The following IQSEC1 variants were observed in gnomAD, a reference collection of about 807,000 sequenced individuals.
The protein encoded by IQSEC1 is IQ motif and Sec7 domain ArfGEF 1.
A neutral mutation model predicts 91.0 loss-of-function variants in IQSEC1; 31 were observed. That is an observed-to-expected ratio of 0.34 (90% CI 0.26 to 0.46). The LOEUF (loss-of-function observed/expected upper bound fraction) is 0.46, where lower values mean the gene tolerates loss of function less well. Ranked by LOEUF, IQSEC1 falls within the 20% of genes least tolerant of loss-of-function variation. IQSEC1 has a pLI of 1.00. For missense variants in IQSEC1, 1,388 were observed against 1,575.6 expected (o/e 0.88, Z 2.02); for synonymous variants, 699 against 662.6 (o/e 1.05, Z -0.84).
intron 1 of IQSEC1, among the ~76,000 whole-genome samples, chr3:12,956,767 G>C (rs1024619310): frequency 6.6e-6 from 1 of 152,178 alleles, no homozygotes; most frequent in African/African-American, 2.4e-5. Context: ...GGAGCTCTAC[G>C]TGCAATCGGG....
In IQSEC1 at chr3:13,268,266, T is replaced by C. The variant is rs530890459; in HGVS notation, c.272+14445A>G. Among the ~76,000 whole-genome samples the C allele has an allele frequency of 2.0e-5, 3 of 152,346 alleles. No homozygotes were observed. The South Asian group carries it at 6.2e-4, about 32-fold the overall frequency. On this transcript the variant is annotated intron_variant, in intron 1 of 15. Transcript: ENST00000648114. Reference sequence around the variant, plus strand: ...CCAGGTCCATGTCTGGTCCTTGCCATTTACTAGCTGTACAACCCTAGACAA... The same window carrying C: ...CCAGGTCCATGTCTGGTCCTTGCCACTTACTAGCTGTACAACCCTAGACAA...
At chr3:13,213,391 C>T (rs976273598) in intron 1 of IQSEC1, among the ~76,000 whole-genome samples, 2 of 152,164 alleles carry the variant, frequency 1.3e-5, no homozygotes, top group Non-Finnish European at 2.9e-5. Flanking sequence ...CTTCCTGTTT[C>T]GGTACCATAT....
intron 1 of IQSEC1, among the ~76,000 whole-genome samples, chr3:13,031,075 CAA>C (rs1228458731): frequency 6.6e-6 from 1 of 152,206 alleles, no homozygotes; most frequent in Non-Finnish European, 1.5e-5. Flanking sequence ...ACCATGAAAA[CAA>C]GACAATGTTA....
intron 13 of IQSEC1, among the ~76,000 whole-genome samples, chr3:12,902,526 C>T (rs1263499308): frequency 7.3e-5 from 11 of 151,310 alleles, no homozygotes; most frequent in Admixed American, 3.9e-4. Context: ...CCAAAACAAG[C>T]GGTGAGAGGC....
chr3:13,079,110 A>ACT (rs774987891), intron 2 of IQSEC1, among the ~76,000 whole-genome samples: 22 of 152,208 alleles, frequency 1.4e-4, no homozygotes, highest in Non-Finnish European at 2.9e-4. Flanking sequence ...TTGGGGTGCC[A>ACT]GACAGGATAG....
chr3:12,912,636 A>T (rs986021252), intron 9 of IQSEC1, among the ~76,000 whole-genome samples: 3 of 139,898 alleles, frequency 2.1e-5, no homozygotes, highest in Non-Finnish European at 4.6e-5. Context: ...TGCAGTCCGC[A>T]GTCCCGCCTG....
At chr3:13,052,818 C>T (rs749181775) in intron 1 of IQSEC1, 15 of 576,840 alleles carry the variant, frequency 2.6e-5, no homozygotes, top group African/African-American at 9.4e-5. Context: ...AGCCAACCAA[C>T]GCGTTCATAA....
At position 12,901,510 on chromosome 3, in the gene IQSEC1, T is replaced by C; in HGVS notation, c.2818A>G (p.Ser940Gly). The C allele has an allele frequency of 6.5e-7, 1 of 1,549,724 alleles. No homozygotes were observed. Among genetic ancestry groups the C allele is most frequent in the South Asian group, 1.2e-5 (1 of 84,042 alleles). The change falls in exon 14 of 14, where the codon AGC becomes GGC. Residue 940 changes from serine (S) to glycine (G), a missense_variant. Around this residue, in one of 2 missense-constraint regions of IQSEC1, gnomAD observed 329 missense variants for 257.8 expected, o/e 1.28. Coordinates refer to ENST00000613206, the MANE Select transcript of IQSEC1 (RefSeq NM_001134382.3). ...LESNVEGSII[S>G]SPHMRRRATS... ...GCTCTCCGGCGCATGTGAGGACTGCTAATGATGGACCCCTAAAAAGGAAAT... is the reference window on the plus strand; with the variant it reads ...GCTCTCCGGCGCATGTGAGGACTGCCAATGATGGACCCCTAAAAAGGAAAT...
intron 1 of IQSEC1, among the ~76,000 whole-genome samples, chr3:12,953,717 C>G (rs1358476472): frequency 1.3e-5 from 2 of 152,230 alleles, no homozygotes; most frequent in Non-Finnish European, 2.9e-5. Context: ...CCCCTGCCCT[C>G]TGGTCCCGAA....
chr3:12,977,386 C>T (rs1356999650), intron 1 of IQSEC1, among the ~76,000 whole-genome samples: 2 of 150,372 alleles, frequency 1.3e-5, no homozygotes, highest in African/African-American at 4.9e-5. Flanking sequence ...GTTGGCAAAA[C>T]GAATGGCCAT....
chr3:13,278,359 C>T (rs796091858), intron 1 of IQSEC1, among the ~76,000 whole-genome samples: 40 of 152,312 alleles, frequency 2.6e-4, no homozygotes, highest in African/African-American at 9.1e-4. Context: ...CTCTACACTG[C>T]CACCCCACGT....
intron 1 of IQSEC1, among the ~76,000 whole-genome samples, chr3:13,239,363 C>T (rs904135363): frequency 6.6e-6 from 1 of 152,178 alleles, no homozygotes; most frequent in Admixed American, 6.5e-5. Flanking sequence ...AAGAGGCAGG[C>T]GGGACAGGAA....
At chr3:13,011,244 C>T (rs375442022) in intron 1 of IQSEC1, among the ~76,000 whole-genome samples, 19 of 152,190 alleles carry the variant, frequency 1.2e-4, no homozygotes, top group Non-Finnish European at 2.5e-4. Flanking sequence ...CCAGGGCCTA[C>T]CCGCAGGGGC....
chr3:13,223,838 G>A (rs1183797028), intron 1 of IQSEC1, among the ~76,000 whole-genome samples: 1 of 152,206 alleles, frequency 6.6e-6, no homozygotes, highest in South Asian at 2.1e-4. Context: ...AGGGAAGAAA[G>A]GGGACATCTT....
rs1483831993 is a variant in IQSEC1, at chr3:12,983,873, A to T, written c.24-42008T>A. ...TGGATGAAATGAATATGCCCAGCTC[A>T]TGTATGTCCCTGTCCCCAAATCCAC... is the stretch of plus-strand genomic sequence containing the variant. On this transcript the variant is annotated intron_variant, in intron 1 of 13. Coordinates refer to ENST00000613206, the MANE Select transcript of IQSEC1 (RefSeq NM_001134382.3). This position sits in a 1 kb window ranked among gnomAD's most constrained non-coding sequence, Gnocchi z 4.3. Among the ~76,000 whole-genome samples, 2 of 152,188 alleles carry T rather than the reference A, an allele frequency of 1.3e-5. No individual in the cohort carries two copies. The highest frequency in any genetic ancestry group is 2.9e-5 in the Non-Finnish European group (2 of 68,018).
chr3:13,235,953 T>C (rs1694921286), intron 1 of IQSEC1, among the ~76,000 whole-genome samples: 1 of 152,206 alleles, frequency 6.6e-6, no homozygotes, highest in Admixed American at 6.5e-5. Context: ...TTCCTGGTCC[T>C]GTCGCCTTGT....
chr3:13,183,199 AAAC>A, intron 1 of IQSEC1, among the ~76,000 whole-genome samples: 1 of 152,000 alleles, frequency 6.6e-6, no homozygotes, highest in African/African-American at 2.4e-5. Flanking sequence ...ACAAACAAAC[AAAC>A]AAACAAACAT....
chr3:12,964,298 CTACA>C (rs1259547432), intron 1 of IQSEC1, among the ~76,000 whole-genome samples: 1 of 52,756 alleles, frequency 1.9e-5, no homozygotes, highest in Non-Finnish European at 4.5e-5. Context: ...CATACTCCCC[CTACA>C]CACACACACA....
intron 1 of IQSEC1, among the ~76,000 whole-genome samples, chr3:13,281,923 T>C (rs1178074636): frequency 1.3e-5 from 2 of 152,046 alleles, no homozygotes; most frequent in African/African-American, 4.8e-5. Flanking sequence ...AGCCCCCTTG[T>C]CCTGCCCCAG....
Sources: gnomAD v4.1 joint callset for allele counts (sites outside exome capture counted in the v4.1 genomes callset) on GRCh38, gnomAD v4.1.1 for gene constraint, gnomAD v4.1.1 regional missense constraint, Gnocchi (gnomAD v3.1) non-coding constraint, MANE v1.5 for transcripts, NCBI Gene and HGNC (gene_info 2026-07-23, HGNC 2026-07-21) for gene names.